SYTL5: variants seen among roughly 807,000 people sequenced by gnomAD.
SYTL5 encodes synaptotagmin like 5.
Under a neutral mutation model 55.9 loss-of-function variants are expected in SYTL5, and 34 were observed. The observed-to-expected ratio is 0.61, with a 90% CI of 0.46 to 0.81. SYTL5 has a LOEUF of 0.81. Ranked by LOEUF, SYTL5 falls within the 30% of genes least tolerant of loss-of-function variation. SYTL5 has a pLI of 0.00. For missense variants in SYTL5, 637 were observed against 546.7 expected (o/e 1.17, Z -1.65); for synonymous variants, 221 against 188.7 (o/e 1.17, Z -1.40).
chrX:37,903,422 C>A, the SYTL5 span, among the ~76,000 whole-genome samples: 1 of 107,585 alleles, frequency 9.3e-6, no homozygotes, highest in Non-Finnish European at 1.9e-5. Context: ...AAGCTGGAAA[C>A]CATCATTCTC....
At chrX:37,991,575 G>A in the SYTL5 span, among the ~76,000 whole-genome samples, 2 of 110,831 alleles carry the variant, frequency 1.8e-5, no homozygotes, top group African/African-American at 6.6e-5. Flanking sequence ...GGAGTTGGCT[G>A]GGGGCCTCTG....
At chrX:38,086,121 C>T (rs1291571606) in intron 6 of SYTL5, among the ~76,000 whole-genome samples, 2 of 111,737 alleles carry the variant, frequency 1.8e-5, no homozygotes, top group Non-Finnish European at 3.8e-5. Flanking sequence ...TCCCCCTAAA[C>T]GACCTCCACC....
intron 2 of SYTL5, among the ~76,000 whole-genome samples, chrX:38,049,341 G>A (rs900105583): frequency 1.3e-4 from 14 of 111,553 alleles, no homozygotes; most frequent in Admixed American, 9.5e-5. Context: ...GTTTGGCTGC[G>A]GGTGACAGAG....
At chrX:38,010,260 G>A (rs1934131433) in intron 1 of SYTL5, among the ~76,000 whole-genome samples, 1 of 112,125 alleles carries the variant, frequency 8.9e-6, no homozygotes, top group Non-Finnish European at 1.9e-5. Flanking sequence ...GGAAGAGGTG[G>A]TAGGGGCCTA....
chrX:38,106,463 T>C, intron 10 of SYTL5, 130 bp from the exon 11 acceptor site: 3 of 575,127 alleles, frequency 5.2e-6, no homozygotes, highest in Non-Finnish European at 7.6e-6. Flanking sequence ...TGACTCTTGT[T>C]TTCTTTCCTC....
intron 13 of SYTL5, among the ~76,000 whole-genome samples, chrX:38,113,512 C>T (rs957545976): frequency 3.6e-5 from 4 of 111,370 alleles, no homozygotes; most frequent in African/African-American, 1.3e-4. Context: ...AAGTGGACCT[C>T]TCTTTTTTTC....
Position 38,080,921 on chromosome X carries a change from T to A in SYTL5, c.689+4220T>A, listed in dbSNP as rs186810468. 1.2e-4 allele frequency among the ~76,000 whole-genome samples: 13 copies of A among 111,945 alleles called. 1 individual carries two copies. The highest frequency in any genetic ancestry group is 8.5e-4 in the Admixed American group (9 of 10,542). Reference sequence around the variant, plus strand: ...AGGACCACATCCACAAAGTCAACAATGGTCTGTTTTGCGTATTAGATAAAA... The same window carrying A: ...AGGACCACATCCACAAAGTCAACAAAGGTCTGTTTTGCGTATTAGATAAAA... On this transcript the variant is annotated intron_variant, in intron 6 of 16. Coordinates refer to ENST00000297875, the MANE Select transcript of SYTL5 (RefSeq NM_138780.3).
chrX:38,078,851 A>G (rs1403721540), intron 6 of SYTL5, among the ~76,000 whole-genome samples: 2 of 112,482 alleles, frequency 1.8e-5, no homozygotes, highest in Non-Finnish European at 3.8e-5. Flanking sequence ...AAAGTCCCTA[A>G]GTAGACTTTA....
chrX:37,931,373 G>T, the SYTL5 span, among the ~76,000 whole-genome samples: 3 of 111,398 alleles, frequency 2.7e-5, no homozygotes, highest in South Asian at 7.5e-4. Flanking sequence ...AGAAGTTCAG[G>T]TTCACTAGGT....
intron 1 of SYTL5, among the ~76,000 whole-genome samples, chrX:38,031,732 T>C (rs774476102): frequency 2.7e-5 from 3 of 112,145 alleles, no homozygotes; most frequent in Non-Finnish European, 5.6e-5. Context: ...AAAACAACTG[T>C]GTTCTTTCTC....
the SYTL5 span, among the ~76,000 whole-genome samples, chrX:37,961,152 G>A: frequency 9.0e-6 from 1 of 110,997 alleles, no homozygotes; most frequent in African/African-American, 3.3e-5. Context: ...TCAGATCTCT[G>A]TTATAGCAAT....
intron 1 of SYTL5, among the ~76,000 whole-genome samples, chrX:38,025,566 A>G (rs1349289225): frequency 8.9e-6 from 1 of 112,244 alleles, no homozygotes; most frequent in Non-Finnish European, 1.9e-5. Flanking sequence ...AGCTTAGCAT[A>G]GTTCAACAAA....
the SYTL5 span, among the ~76,000 whole-genome samples, chrX:37,895,436 C>CCTTCCTTCCTTCCTT: frequency 2.2e-4 from 21 of 94,528 alleles, no homozygotes; most frequent in Middle Eastern, 4.9e-3. Flanking sequence ...TTCCTTCCTT[C>CCTTCCTTCCTTCCTT]CTTCCTTCCT....
rs145109824 is a variant in SYTL5, at chrX:38,081,066, G to A, written c.689+4365G>A. Among the ~76,000 whole-genome samples the A allele has an allele frequency of 5.5e-3, 618 of 112,208 alleles. 3 individuals are homozygous for A. Among genetic ancestry groups the A allele is most frequent in the Middle Eastern group, 0.023 (5 of 217 alleles). On this transcript the variant is annotated intron_variant, in intron 6 of 16. Coordinates refer to ENST00000297875, the MANE Select transcript of SYTL5 (RefSeq NM_138780.3). The stretch of plus-strand genomic sequence containing the variant: ...TACATTTATTCTATAATGATCGTTC[G>A]GTGACTCAACAGGATAAAGGCTGTG...
At chrX:38,069,120 C>T (rs1182324198) in intron 3 of SYTL5, among the ~76,000 whole-genome samples, 2 of 111,486 alleles carry the variant, frequency 1.8e-5, no homozygotes, top group African/African-American at 3.3e-5. Context: ...TACCTTTTCC[C>T]TTTTGTTTCT....
the SYTL5 span, among the ~76,000 whole-genome samples, chrX:37,963,445 C>A: frequency 9.1e-6 from 1 of 110,439 alleles, no homozygotes; most frequent in Admixed American, 9.6e-5. Flanking sequence ...TGTGCCAACA[C>A]GCCCGGCTTA....
At chrX:38,096,097 C>A in intron 8 of SYTL5, 37 bp from the exon 9 acceptor site, 1 of 792,573 alleles carries the variant, frequency 1.3e-6, no homozygotes, top group Non-Finnish European at 1.8e-6. Context: ...ACAAAACAGG[C>A]TGACTCACGT....
chrX:37,894,747 G>T, the SYTL5 span, among the ~76,000 whole-genome samples: 1 of 111,605 alleles, frequency 9.0e-6, no homozygotes, highest in Non-Finnish European at 1.9e-5. Flanking sequence ...ACCAATGTGG[G>T]TGGGCATCAG....
At chrX:38,007,728 A>G (rs1934038933) in intron 1 of SYTL5, among the ~76,000 whole-genome samples, 1 of 111,483 alleles carries the variant, frequency 9.0e-6, no homozygotes, top group Non-Finnish European at 1.9e-5. Context: ...GCATGAAGCC[A>G]TTTGTTTGGA....
Sources: allele counts gnomAD v4.1 joint callset (sites outside exome capture counted in the v4.1 genomes callset), GRCh38; gene constraint gnomAD v4.1.1; transcripts MANE v1.5; gene names NCBI Gene and HGNC (gene_info 2026-07-23, HGNC 2026-07-21).